Variants in FAM163B observed in about 807,000 individuals in gnomAD.
FAM163B encodes the protein protein FAM163B.
FAM163B carries 4 observed loss-of-function variants against 7.6 expected under a neutral mutation model. The ratio of observed to expected loss-of-function variants is 0.52; its 90% CI spans 0.26 to 1.20. The LOEUF (loss-of-function observed/expected upper bound fraction) is 1.20, where lower values mean the gene tolerates loss of function less well. Among genes scored for constraint, FAM163B ranks in the 50% most tolerant of loss-of-function variants. The probability of loss-of-function intolerance (pLI) is 0.14; values close to 1 mark genes in which losing one functional copy is unlikely to be tolerated. For synonymous variants in FAM163B, 120 were observed against 111.6 expected, an observed-to-expected ratio of 1.07 and a Z score of -0.47; for missense variants, 250 against 243.0, an observed-to-expected ratio of 1.03 and a Z score of -0.19.
intron 1 of FAM163B, among the ~76,000 whole-genome samples, chr9:133,590,050 CCCTT>C (rs1310067595): frequency 0.16 from 7,947 of 50,480 alleles, 1,780 homozygotes; most frequent in East Asian, 0.4. Flanking sequence ...CCCTTCCCTT[CCCTT>C]CCCTTCCCTT....
At chr9:133,599,465 G>A (rs1831680239) in intron 1 of FAM163B, among the ~76,000 whole-genome samples, 1 of 152,042 alleles carries the variant, frequency 6.6e-6, no homozygotes, top group African/African-American at 2.4e-5. Context: ...TGTGTCTGTG[G>A]GTATCTGTGT....
intron 1 of FAM163B, among the ~76,000 whole-genome samples, chr9:133,585,201 G>A (rs985953137): frequency 5.3e-5 from 8 of 152,198 alleles, no homozygotes; most frequent in East Asian, 1.9e-4. Context: ...CACCGGCACC[G>A]AGGAATGAAT....
At chr9:133,603,272 T>C (rs1473605800) in intron 1 of FAM163B, among the ~76,000 whole-genome samples, 1 of 152,208 alleles carries the variant, frequency 6.6e-6, no homozygotes, top group Non-Finnish European at 1.5e-5. Context: ...CCTACTGCTG[T>C]GGGTCCAATG....
chr9:133,600,725 A>AG lies in FAM163B; in HGVS notation c.-24+8351_-24+8352insC, dbSNP rs80235116. On this transcript the variant is annotated intron_variant, in intron 1 of 2. Coordinates refer to ENST00000673969, the MANE Select transcript of FAM163B (RefSeq NM_001080515.3). The surrounding 1 kb of genome is among the most constrained non-coding windows in gnomAD (Gnocchi z 4.9). ...TCTTAAAGCCACATTTTAGAGTCTT[A>AG]AAAATCAGAACATGCAACCAGTGGC... 0.75 allele frequency among the ~76,000 whole-genome samples: 114,517 copies of AG among 151,948 alleles called. 43,855 individuals are homozygous for AG. Among genetic ancestry groups the AG allele is most frequent in the African/African-American group, 0.89 (37,114 of 41,480 alleles).
chr9:133,580,091 G>A, intron 2 of FAM163B, 40 bp downstream of exon 2: 1 of 1,568,334 alleles, frequency 6.4e-7, no homozygotes, highest in Non-Finnish European at 8.7e-7. Context: ...CACCCTCTGG[G>A]CCTCCCTGCC....
At chr9:133,581,325 G>C (rs1299509717) in intron 1 of FAM163B, among the ~76,000 whole-genome samples, 1 of 152,218 alleles carries the variant, frequency 6.6e-6, no homozygotes, top group Non-Finnish European at 1.5e-5. Flanking sequence ...TCACAGAGCA[G>C]TGGGAGCTGG....
chr9:133,593,202 T>A (rs1159052699), intron 1 of FAM163B, among the ~76,000 whole-genome samples: 1 of 152,224 alleles, frequency 6.6e-6, no homozygotes, highest in African/African-American at 2.4e-5. Context: ...GGGAACTGAT[T>A]TGCCAAGGCA....
At position 133,601,262 on chromosome 9, in the gene FAM163B, C is replaced by G. The variant is rs1564197668; in HGVS notation, c.-24+7815G>C. On this transcript the variant is annotated intron_variant, in intron 1 of 2. Transcript: ENST00000673969. This position sits in a 1 kb window ranked among gnomAD's most constrained non-coding sequence, Gnocchi z 4.1. ...AGCCGACTCAGTGATTCTATTATAA[C>G]TTGTGCAGGTAACTCTGCTGCCCTG... 6.6e-6 allele frequency among the ~76,000 whole-genome samples: 1 copy of G among 152,336 alleles called. No homozygotes were observed. The highest frequency in any genetic ancestry group is 2.1e-4 in the South Asian group (1 of 4,826).
chr9:133,577,166 G>A lies in FAM163B; in HGVS notation c.*1856C>T, dbSNP rs1023927897. Among the ~76,000 whole-genome samples, 1 of 152,188 alleles carries A rather than the reference G, an allele frequency of 6.6e-6. No individual in the cohort carries two copies. The highest frequency in any genetic ancestry group is 2.4e-5 in the African/African-American group (1 of 41,444). On this transcript the variant is annotated 3_prime_UTR_variant, in exon 3 of 3. Transcript: ENST00000673969. ...TCCCCACGGTGGAGCCGAGTGAGCT[G>A]GGAGGGATGGGTGCTTACTTCGTTT...
chr9:133,596,564 C>T (rs901786683), intron 1 of FAM163B, among the ~76,000 whole-genome samples: 2 of 152,074 alleles, frequency 1.3e-5, no homozygotes, highest in Admixed American at 6.5e-5. Context: ...CAAGGAGGGC[C>T]CTGTGGTGGC....
At position 133,580,634 on chromosome 9, in the gene FAM163B, T is replaced by A. The variant is rs1199770227; in HGVS notation, c.-23-388A>T. Among the ~76,000 whole-genome samples, 4 of 152,364 alleles carry A rather than the reference T, an allele frequency of 2.6e-5. No homozygotes were observed. In the South Asian group the frequency reaches 8.3e-4, roughly 32 times the overall value. ...CCCAAATGCAGTCAGGCCGAACATA[T>A]GGTTTTGTAACCTGCTTCCCTGCAT... is the stretch of plus-strand genomic sequence containing the variant. On this transcript the variant is annotated intron_variant, in intron 1 of 2. Transcript: ENST00000673969.
At position 133,596,171 on chromosome 9, in the gene FAM163B, T is replaced by G. The variant is rs569002198; in HGVS notation, c.-24+12906A>C. 3.9e-4 allele frequency among the ~76,000 whole-genome samples: 59 copies of G among 151,862 alleles called. 4 individuals are homozygous for G. The highest frequency in any genetic ancestry group is 2.9e-5 in the Non-Finnish European group (2 of 67,972). On this transcript the variant is annotated intron_variant, in intron 1 of 2. Transcript: ENST00000673969. The stretch of plus-strand genomic sequence containing the variant: ...GGGGATGAGTGGGAGGGAGCACCAA[T>G]AGGGCTTGTTGGTGGTTTGATGGGG...
intron 1 of FAM163B, among the ~76,000 whole-genome samples, chr9:133,596,107 C>T (rs1831628269): frequency 1.3e-5 from 2 of 151,632 alleles, no homozygotes; most frequent in Non-Finnish European, 2.9e-5. Flanking sequence ...TCATGGTCAT[C>T]AAGAGGGAGG....
At chr9:133,599,488 A>G (rs991330269) in intron 1 of FAM163B, among the ~76,000 whole-genome samples, 6 of 151,914 alleles carry the variant, frequency 3.9e-5, no homozygotes, top group Non-Finnish European at 5.9e-5. Context: ...ATGTGTGTCA[A>G]TGTGTAAGGG....
chr9:133,592,251 G>A (rs1831563684), intron 1 of FAM163B, among the ~76,000 whole-genome samples: 4 of 152,178 alleles, frequency 2.6e-5, no homozygotes, highest in Admixed American at 2.6e-4. Flanking sequence ...GGAGGGCTGA[G>A]GTGGTGCCGT....
At chr9:133,605,981 A>G (rs7042544) in intron 1 of FAM163B, among the ~76,000 whole-genome samples, 152,279 of 152,286 alleles carry the variant, frequency 1, 76,136 homozygotes, top group Middle Eastern at 1. Context: ...GGGCAGAGCG[A>G]ACCATGTCCC....
chr9:133,596,987 G>A (rs1277656886), intron 1 of FAM163B, among the ~76,000 whole-genome samples: 1 of 152,172 alleles, frequency 6.6e-6, no homozygotes, highest in East Asian at 1.9e-4. Flanking sequence ...GGCCTGAAAG[G>A]ATCAAACTAT....
At chr9:133,595,101 C>T (rs1426290022) in intron 1 of FAM163B, among the ~76,000 whole-genome samples, 1 of 152,206 alleles carries the variant, frequency 6.6e-6, no homozygotes, top group Non-Finnish European at 1.5e-5. Flanking sequence ...TTTTAACGTG[C>T]ATCGAGTAGC....
intron 1 of FAM163B, among the ~76,000 whole-genome samples, chr9:133,604,172 C>T (rs1162460239): frequency 1.3e-5 from 2 of 152,230 alleles, no homozygotes; most frequent in Non-Finnish European, 2.9e-5. Context: ...GCACATCCCT[C>T]ATCCAACTAT....
Sources: allele counts gnomAD v4.1 joint callset (sites outside exome capture counted in the v4.1 genomes callset), GRCh38; gene constraint gnomAD v4.1.1; non-coding constraint Gnocchi (gnomAD v3.1); transcripts MANE v1.5; gene names NCBI Gene and HGNC (gene_info 2026-07-23, HGNC 2026-07-21).